The following BPIFB3 variants were observed in gnomAD, a reference collection of about 807,000 sequenced individuals.
BPIFB3 encodes the protein BPI fold-containing family B member 3.
In BPIFB3, 49 loss-of-function variants were observed where a neutral mutation model predicts 53.1. The observed-to-expected ratio is 0.92, with a 90% CI of 0.73 to 1.17. BPIFB3 has a LOEUF of 1.17. Among genes scored for constraint, BPIFB3 ranks in the 50% most tolerant of loss-of-function variants. The probability of loss-of-function intolerance (pLI) is 0.00; values close to 1 mark genes in which losing one functional copy is unlikely to be tolerated. For missense variants in BPIFB3, 628 were observed against 592.5 expected, an observed-to-expected ratio of 1.06 and a Z score of -0.62; for synonymous variants, 271 against 269.6, an observed-to-expected ratio of 1.01 and a Z score of -0.05.
intron 5 of BPIFB3, 112 bp from the exon 7 acceptor site, chr20:33,063,498 CGCCTT>C: frequency 9.1e-7 from 1 of 1,102,104 alleles, no homozygotes; most frequent in Non-Finnish European, 1.4e-6. Context: ...CTCTGCCTTC[CGCCTT>C]GCCTTGGTCC....
upstream of BPIFB3, among the ~76,000 whole-genome samples, chr20:33,054,278 G>A (rs1418684692): frequency 6.6e-6 from 1 of 151,968 alleles, no homozygotes; most frequent in East Asian, 1.9e-4. Flanking sequence ...TCTATCCCCT[G>A]CCCCCTCAGC....
intron 10 of BPIFB3, 59 bp from the exon 12 acceptor site, chr20:33,069,829 C>T: frequency 6.4e-7 from 1 of 1,552,852 alleles, no homozygotes; most frequent in Non-Finnish European, 8.9e-7. Context: ...TGGAGGCAGA[C>T]CCGTCCTCAA....
upstream of BPIFB3, chr20:33,055,419 T>G: frequency 6.2e-7 from 1 of 1,613,418 alleles, no homozygotes. Context: ...CTGCTCCTTA[T>G]AGGCATGCAG....
exon 14 of BPIFB3, chr20:33,072,787 C>G (rs201462422): frequency 1.6e-5 from 25 of 1,612,516 alleles, no homozygotes; most frequent in East Asian, 4.5e-5. Context: ...TTCTGGAGAT[C>G]GTAGAGGTGA....
At chr20:33,054,799 C>T (rs973938615), upstream of BPIFB3, among the ~76,000 whole-genome samples, 2 of 152,220 alleles carry the variant, frequency 1.3e-5, no homozygotes, top group Admixed American at 6.5e-5. Context: ...ACTCTGTGAA[C>T]TTAGCAGATT....
At chr20:33,061,868 C>T in intron 5 of BPIFB3, 37 bp downstream of exon 6, 1 of 1,607,112 alleles carries the variant, frequency 6.2e-7, no homozygotes. Context: ...TGCCCTCTCC[C>T]AGGACTGGGC....
At chr20:33,065,306 T>C (rs1980624454) in intron 8 of BPIFB3, among the ~76,000 whole-genome samples, 1 of 151,908 alleles carries the variant, frequency 6.6e-6, no homozygotes, top group Non-Finnish European at 1.5e-5. Context: ...GGGAGGCTGA[T>C]GTGGGAGGAT....
intron 9 of BPIFB3, 82 bp from the exon 11 acceptor site, chr20:33,068,721 G>T: frequency 7.0e-7 from 1 of 1,431,086 alleles, no homozygotes; most frequent in Non-Finnish European, 9.6e-7. Flanking sequence ...CCAGTGCCTG[G>T]TAGGTGCTTA....
intron 2 of BPIFB3, among the ~76,000 whole-genome samples, chr20:33,057,387 T>C (rs1220150669): frequency 6.6e-6 from 1 of 152,010 alleles, no homozygotes; most frequent in Non-Finnish European, 1.5e-5. Flanking sequence ...AGAAGTTACA[T>C]CATGTTGGTC....
chr20:33,070,839 C>T (rs976402747), intron 11 of BPIFB3, among the ~76,000 whole-genome samples: 1 of 152,192 alleles, frequency 6.6e-6, no homozygotes, highest in Non-Finnish European at 1.5e-5. Flanking sequence ...GGTAGAGATG[C>T]GTGCCCAGGC....
intron 4 of BPIFB3, among the ~76,000 whole-genome samples, chr20:33,061,398 A>G (rs1017798892): frequency 2.0e-5 from 3 of 151,132 alleles, no homozygotes; most frequent in African/African-American, 7.3e-5. Flanking sequence ...TTGAACCCCC[A>G]CTCTGGGGGC....
intron 9 of BPIFB3, among the ~76,000 whole-genome samples, chr20:33,068,424 G>A (rs1348597249): frequency 6.6e-6 from 1 of 152,214 alleles, no homozygotes; most frequent in Non-Finnish European, 1.5e-5. Context: ...AGGCCCTGGC[G>A]CCTGCTGGGA....
chr20:33,070,107 G>T (rs1980824236), intron 11 of BPIFB3, 152 bp downstream of exon 12: 2 of 815,176 alleles, frequency 2.5e-6, no homozygotes, highest in Non-Finnish European at 2.0e-6. Context: ...CCAGGGAGGA[G>T]ACAGTGTTAG....
chr20:33,059,952 G>A, exon 4 of BPIFB3: 1 of 1,614,132 alleles, frequency 6.2e-7, no homozygotes, highest in South Asian at 1.1e-5. Context: ...GGTGGCGCTG[G>A]CCGTGAGCTC....
intron 12 of BPIFB3, 82 bp from the exon 14 acceptor site, chr20:33,072,022 C>T: frequency 6.9e-7 from 1 of 1,457,650 alleles, no homozygotes; most frequent in Non-Finnish European, 9.6e-7. Context: ...CCCTGGGTTT[C>T]TCTCCCTGGG....
chr20:33,065,088 A>C (rs78787573), intron 8 of BPIFB3, among the ~76,000 whole-genome samples: 5 of 152,150 alleles, frequency 3.3e-5, no homozygotes, highest in African/African-American at 9.7e-5. Flanking sequence ...ATCCTTCTCA[A>C]CTTGGCACTC....
chr20:33,072,203 G>C (rs967189751), intron 13 of BPIFB3, 36 bp downstream of exon 14: 1 of 1,606,476 alleles, frequency 6.2e-7, no homozygotes, highest in Non-Finnish European at 8.5e-7. Context: ...CACATGGAGT[G>C]TCTGAATTTG....
chr20:33,061,503 C>G (rs761935), intron 4 of BPIFB3, among the ~76,000 whole-genome samples: 59,027 of 151,726 alleles, frequency 0.39, 11,863 homozygotes, highest in African/African-American at 0.48. Context: ...AGATTTTACA[C>G]CAGCCACATA....
At chr20:33,060,070 C>T (rs1240445284) in intron 4 of BPIFB3, 39 bp downstream of exon 5, 1 of 1,604,614 alleles carries the variant, frequency 6.2e-7, no homozygotes, top group Admixed American at 1.7e-5. Flanking sequence ...CTGACCCGCT[C>T]AGGATCATCT....
Sources: gnomAD v4.1 joint callset for allele counts (sites outside exome capture counted in the v4.1 genomes callset) on GRCh38, gnomAD v4.1.1 for gene constraint, MANE v1.5 for transcripts, NCBI Gene and HGNC (gene_info 2026-07-23, HGNC 2026-07-21) for gene names.